Variants in ADCY10 observed in about 807,000 individuals in gnomAD.
ADCY10 encodes the protein adenylate cyclase type 10.
In ADCY10, 156 loss-of-function variants were observed where a neutral mutation model predicts 183.3. The ratio of observed to expected loss-of-function variants is 0.85; its 90% CI spans 0.75 to 0.97. ADCY10 has a LOEUF of 0.97. Among genes scored for constraint, ADCY10 ranks in the 50% least tolerant of loss-of-function variants. ADCY10 has a pLI of 0.00. For missense variants in ADCY10, 1,745 were observed against 1,934.3 expected (o/e 0.90, Z 1.84); for synonymous variants, 645 against 670.0 (o/e 0.96, Z 0.58).
chr1:167,905,018 T>TC lies in ADCY10; in HGVS notation c.122dup (p.Val42SerfsTer6). The stretch of plus-strand genomic sequence containing the variant: ...CTGAAATATCAACAAACATCAGGAC[T>TC]CCGTCAAAATAATCCATAAAGGGTC... On this transcript the variant is annotated frameshift_variant, in exon 2 of 33. Coordinates refer to ENST00000367851, the MANE Select transcript of ADCY10 (RefSeq NM_018417.6). LOFTEE classifies it high-confidence loss of function. 6.2e-7 allele frequency: 1 copy of TC among 1,614,198 alleles called. No homozygotes were observed. Among genetic ancestry groups the TC allele is most frequent in the South Asian group, 1.1e-5 (1 of 91,084 alleles).
intron 30 of ADCY10, among the ~76,000 whole-genome samples, chr1:167,819,313 C>A (rs1288833951): frequency 6.7e-6 from 1 of 148,408 alleles, no homozygotes; most frequent in South Asian, 2.1e-4. Flanking sequence ...TACAATGGCA[C>A]GATCTCAGCC....
At position 167,878,372 on chromosome 1, in the gene ADCY10, G is replaced by A. The variant is rs203839; in HGVS notation, c.1406+74C>T. 21,363 of 1,522,642 alleles carry A rather than the reference G, an allele frequency of 0.014. 1,548 individuals are homozygous for A. In the African/African-American group the frequency reaches 0.2, roughly 14 times the overall value. 94.3% of individuals were successfully genotyped at this position (1,522,642 alleles called of 1,614,324 possible). On this transcript the variant is annotated intron_variant, in intron 12 of 32. Transcript: ENST00000367851. ...TTGAACTGGCTCCAAATCTTAAATG[G>A]GTGACTGCTTTGCTATCATAATTCT...
chr1:167,809,936 A>T (rs1461529844), intron 32 of ADCY10, 97 bp from the exon 33 acceptor site: 1 of 1,303,394 alleles, frequency 7.7e-7, no homozygotes, highest in Non-Finnish European at 1.1e-6. Flanking sequence ...CATCTTTGGT[A>T]AAAACCATGT....
At chr1:167,817,463 A>G (rs192597042) in intron 31 of ADCY10, among the ~76,000 whole-genome samples, 1 of 152,236 alleles carries the variant, frequency 6.6e-6, no homozygotes, top group African/African-American at 2.4e-5. Context: ...GAACAAGGCA[A>G]ACGTGTCAAC....
intron 6 of ADCY10, among the ~76,000 whole-genome samples, chr1:167,898,377 G>A (rs1359279935): frequency 6.6e-6 from 1 of 151,962 alleles, no homozygotes; most frequent in African/African-American, 2.4e-5. Flanking sequence ...GAGGTGGGTG[G>A]ATCACGAAGT....
In ADCY10 at chr1:167,822,039, G is replaced by A; in HGVS notation, c.4271C>T (p.Ser1424Phe). ...ACATTGTTACCAGATAGCTACAGAG[G>A]AATAAAGTCCCAGGAGGAGTCCACT... ...FHSGLLLGLY[S>F]SVAIWYARLQ... The change falls in exon 30 of 33, where the codon TCC (serine) becomes TTC (phenylalanine). Residue 1424 changes from serine to phenylalanine, a missense_variant. By Grantham distance (155) the Ser-to-Phe change is radical. Coordinates refer to ENST00000367851, the MANE Select transcript of ADCY10 (RefSeq NM_018417.6). 6.3e-7 allele frequency: 1 copy of A among 1,585,454 alleles called. No individual in the cohort carries two copies. The highest frequency in any genetic ancestry group is 8.7e-7 in the Non-Finnish European group (1 of 1,153,914).
intron 6 of ADCY10, 123 bp downstream of exon 6, chr1:167,899,300 C>T: frequency 1.0e-6 from 1 of 964,388 alleles, no homozygotes; most frequent in Non-Finnish European, 1.6e-6. Context: ...CTAACCCAGA[C>T]TGACCCCATC....
At chr1:167,880,343 C>A (rs1667783898) in intron 10 of ADCY10, 148 bp downstream of exon 10, 2 of 945,360 alleles carry the variant, frequency 2.1e-6, no homozygotes, top group Non-Finnish European at 1.7e-6. Flanking sequence ...TTCTACATGG[C>A]CCGGAGATGC....
chr1:167,884,273 T>A (rs1008352592), intron 8 of ADCY10, among the ~76,000 whole-genome samples: 1 of 152,144 alleles, frequency 6.6e-6, no homozygotes, highest in African/African-American at 2.4e-5. Flanking sequence ...GGACTCAAAC[T>A]TATAATATGG....
chr1:167,898,724 T>C (rs78884193), intron 6 of ADCY10, among the ~76,000 whole-genome samples: 1 of 152,078 alleles, frequency 6.6e-6, no homozygotes, highest in African/African-American at 2.4e-5. Flanking sequence ...GTGAGGGTTG[T>C]AGGCTGATGC....
At chr1:167,900,003 C>A (rs1338907059) in intron 5 of ADCY10, among the ~76,000 whole-genome samples, 4 of 152,232 alleles carry the variant, frequency 2.6e-5, no homozygotes, top group African/African-American at 9.6e-5. Context: ...GAAGCTGTAA[C>A]TAAAAATAAT....
intron 8 of ADCY10, among the ~76,000 whole-genome samples, chr1:167,892,452 C>G (rs1349877664): frequency 1.3e-5 from 2 of 152,140 alleles, no homozygotes; most frequent in Admixed American, 6.5e-5. Flanking sequence ...TTAGCTGTAC[C>G]TCTTCACCAG....
chr1:167,893,051 A>G (rs1285647798), intron 8 of ADCY10, among the ~76,000 whole-genome samples: 1 of 152,232 alleles, frequency 6.6e-6, no homozygotes, highest in African/African-American at 2.4e-5. Context: ...AGATAGTTAT[A>G]ATTCACATGG....
rs1401142493 is a variant in ADCY10 at position 167,820,012 on chromosome 1, C to A, written c.4287-1745G>T. 3.5e-5 allele frequency: 54 copies of A among 1,555,780 alleles called. No homozygotes were observed. In the Admixed American group the frequency reaches 6.1e-4, roughly 18 times the overall value. On this transcript the variant is annotated intron_variant, in intron 30 of 32. Coordinates refer to ENST00000367851, the MANE Select transcript of ADCY10 (RefSeq NM_018417.6). ...AGTGGATGACTCTCCTTGGGACTTT[C>A]TTCTTTTTTCCTATGACTCCCAGTT... is the stretch of plus-strand genomic sequence containing the variant.
chr1:167,836,515 A>G lies in ADCY10; in HGVS notation c.3103T>C (p.Leu1035=). The G allele has an allele frequency of 1.2e-6, 2 of 1,612,092 alleles. No individual in the cohort carries two copies. Among genetic ancestry groups the G allele is most frequent in the Non-Finnish European group, 8.5e-7 (1 of 1,178,148 alleles). The change falls in exon 23 of 33, where the codon TTG becomes CTG. Residue 1035 remains leucine (L), a synonymous_variant. Coordinates refer to ENST00000367851, the MANE Select transcript of ADCY10 (RefSeq NM_018417.6). The part of the protein sequence containing the change: ...RSPEEIREKI[L]NFFDHVLTKM... Reference sequence around the variant, plus strand: ...GTTAAAACGTGGTCAAAGAAATTCAAGATCTTTTCTCTTATTTCTTCAGGA... The same window carrying G: ...GTTAAAACGTGGTCAAAGAAATTCAGGATCTTTTCTCTTATTTCTTCAGGA...
In ADCY10 at chr1:167,899,486, G is replaced by T. The variant is rs1335418562; in HGVS notation, c.579C>A (p.Cys193Ter). The T allele has an allele frequency of 1.9e-6, 3 of 1,614,204 alleles. No individual in the cohort carries two copies. Among genetic ancestry groups the T allele is most frequent in the Non-Finnish European group, 2.5e-6 (3 of 1,180,040 alleles). Residue 193 changes from cysteine to a stop codon, truncating the protein, a stop_gained, in exon 6 of 33, where the codon TGC becomes TGA. Transcript: ENST00000367851. LOFTEE classifies it high-confidence loss of function. ...TCATGCTCCGGTCACAGAGCTGCCAGCAGTTTGGTGACAGAATAACATCAT... is the reference window on the plus strand; with the variant it reads ...TCATGCTCCGGTCACAGAGCTGCCATCAGTTTGGTGACAGAATAACATCAT... ...QMNDVILSPN[C>*]WQLCDRSMIE...
chr1:167,809,406 TATG>T lies in ADCY10; in HGVS notation c.*269_*271del. The T allele has an allele frequency of 2.4e-6, 1 of 415,880 alleles. No individual in the cohort carries two copies. Among genetic ancestry groups the T allele is most frequent in the South Asian group, 2.8e-5 (1 of 35,740 alleles). 25.8% of individuals were successfully genotyped at this position (415,880 alleles called of 1,614,324 possible). A position where few individuals can be genotyped will look rare whatever the true frequency, so the allele number is the denominator to read the frequency against. On this transcript the variant is annotated 3_prime_UTR_variant, in exon 33 of 33. Coordinates refer to ENST00000367851, the MANE Select transcript of ADCY10 (RefSeq NM_018417.6). ...CCATCTTGAGATTAATAATTTGTAATATGATACAGTTTTGCATGGGCTGAAATA... is the reference window on the plus strand; with the variant it reads ...CCATCTTGAGATTAATAATTTGTAATATACAGTTTTGCATGGGCTGAAATA...
At chr1:167,887,634 T>C (rs1270626986) in intron 8 of ADCY10, among the ~76,000 whole-genome samples, 1 of 152,086 alleles carries the variant, frequency 6.6e-6, no homozygotes, top group Non-Finnish European at 1.5e-5. Flanking sequence ...ACATGGGACA[T>C]GTATACATAA....
intron 30 of ADCY10, 131 bp from the exon 31 acceptor site, chr1:167,818,398 C>T (rs1571210502): frequency 1.2e-6 from 1 of 826,882 alleles, no homozygotes; most frequent in Middle Eastern, 2.2e-4. Context: ...CCTGCCTACC[C>T]CTGCTTCACA....
Sources: allele counts gnomAD v4.1 joint callset (sites outside exome capture counted in the v4.1 genomes callset), GRCh38; gene constraint gnomAD v4.1.1; transcripts MANE v1.5; gene names NCBI Gene and HGNC (gene_info 2026-07-23, HGNC 2026-07-21).